FER1L6: variants seen among roughly 807,000 people sequenced by gnomAD.
FER1L6 encodes the protein fer-1 like family member 6, also known as fer-1-like protein 6.
In FER1L6, 177 loss-of-function variants were observed where a neutral mutation model predicts 219.2. The ratio of observed to expected loss-of-function variants is 0.81; its 90% CI spans 0.71 to 0.91. FER1L6 has a LOEUF of 0.91. Among genes scored for constraint, FER1L6 ranks in the 40% least tolerant of loss-of-function variants. The pLI is 0.00. For missense variants in FER1L6, 2,153 were observed against 2,259.9 expected, an observed-to-expected ratio of 0.95 and a Z score of 0.96; for synonymous variants, 768 against 824.3, an observed-to-expected ratio of 0.93 and a Z score of 1.17.
At chr8:124,053,740 G>T in intron 22 of FER1L6, among the ~76,000 whole-genome samples, 1 of 152,094 alleles carries the variant, frequency 6.6e-6, no homozygotes, top group South Asian at 2.1e-4. Context: ...TGCTCATGGT[G>T]CCAGCTACTC....
rs1291329809 is a variant in FER1L6, at chr8:124,020,228, C to G, written c.2014-1322C>G. ...CTTCCCCATGATTCTCCCCATGAGT[C>G]CTCCCCAGCCATGTAGAACTGTGAG... On this transcript the variant is annotated intron_variant, in intron 16 of 40. Transcript: ENST00000522917. 3.9e-5 allele frequency among the ~76,000 whole-genome samples: 6 copies of G among 152,050 alleles called. No individual in the cohort carries two copies. The East Asian group carries it at 1.2e-3, about 29-fold the overall frequency.
At chr8:123,895,490 T>C (rs1004222146) in intron 1 of FER1L6, among the ~76,000 whole-genome samples, 1 of 152,168 alleles carries the variant, frequency 6.6e-6, no homozygotes, top group African/African-American at 2.4e-5. Context: ...GAACTGTTGG[T>C]TTACAAATGA....
In FER1L6 at chr8:123,986,157, C is replaced by A; in HGVS notation, c.1500C>A (p.Ile500=). Residue 500 remains isoleucine, a synonymous_variant, in exon 12 of 41, where the codon ATC becomes ATA. Transcript: ENST00000522917. ...MIDRKIGDKP[I]SFEVSIGNFG... ...ACCGGAAGATTGGAGATAAACCCAT[C>A]AGCTTTGAAGTTTCTATTGGTAAGT... 1 of 1,609,682 alleles carries A rather than the reference C, an allele frequency of 6.2e-7. No homozygotes were observed. The highest frequency in any genetic ancestry group is 8.5e-7 in the Non-Finnish European group (1 of 1,176,040).
chr8:124,072,095 C>T (rs956563119), intron 31 of FER1L6, among the ~76,000 whole-genome samples: 4 of 151,952 alleles, frequency 2.6e-5, no homozygotes, highest in African/African-American at 2.4e-5. Context: ...AGGACTGTTC[C>T]GTCTGTGTAG....
At chr8:123,976,632 G>T (rs891171757) in intron 9 of FER1L6, among the ~76,000 whole-genome samples, 6 of 152,164 alleles carry the variant, frequency 3.9e-5, no homozygotes, top group Non-Finnish European at 7.3e-5. Flanking sequence ...GATACAGGCA[G>T]ACAGGCATCC....
At chr8:124,004,505 A>G (rs1817571076) in intron 13 of FER1L6, among the ~76,000 whole-genome samples, 2 of 151,818 alleles carry the variant, frequency 1.3e-5, no homozygotes, top group Admixed American at 1.3e-4. Flanking sequence ...AACCATGACT[A>G]CTCTCAGGAT....
At chr8:124,080,814 G>A (rs1005967064) in intron 32 of FER1L6, among the ~76,000 whole-genome samples, 1 of 152,134 alleles carries the variant, frequency 6.6e-6, no homozygotes, top group African/African-American at 2.4e-5. Context: ...GCTTCCTTGT[G>A]ATGCACCTGC....
intron 38 of FER1L6, among the ~76,000 whole-genome samples, chr8:124,102,658 A>G (rs1261598785): frequency 6.6e-6 from 1 of 152,198 alleles, no homozygotes; most frequent in Non-Finnish European, 1.5e-5. Context: ...AGTGTTGGGA[A>G]CCCACTAAGG....
At chr8:123,926,519 T>TG (rs1813570136) in intron 1 of FER1L6, among the ~76,000 whole-genome samples, 1 of 151,926 alleles carries the variant, frequency 6.6e-6, no homozygotes, top group Non-Finnish European at 1.5e-5. Flanking sequence ...CAGGTTATGG[T>TG]GGGGGAGGCA....
chr8:123,965,703 A>T (rs1815505518), intron 3 of FER1L6, among the ~76,000 whole-genome samples: 2 of 152,224 alleles, frequency 1.3e-5, no homozygotes. Flanking sequence ...ATTTTAAAAA[A>T]TACTGATAAT....
intron 21 of FER1L6, 152 bp downstream of exon 21, chr8:124,046,053 T>C (rs1446925854): frequency 2.6e-6 from 2 of 766,674 alleles, no homozygotes; most frequent in African/African-American, 3.5e-5. Context: ...CTGAAAACAG[T>C]TCACAGAACC....
At chr8:124,092,708 G>T (rs995814683) in intron 34 of FER1L6, among the ~76,000 whole-genome samples, 2 of 152,164 alleles carry the variant, frequency 1.3e-5, no homozygotes, top group Non-Finnish European at 2.9e-5. Flanking sequence ...AGTTCTGCAG[G>T]CTCTATAGGA....
intron 1 of FER1L6, among the ~76,000 whole-genome samples, chr8:123,870,479 G>A (rs1816907039): frequency 6.6e-6 from 1 of 152,138 alleles, no homozygotes; most frequent in Non-Finnish European, 1.5e-5. Flanking sequence ...AAAAAAGAAG[G>A]AGCTATTAAA....
rs10561745 is a variant in FER1L6, at chr8:124,106,944, C to CTT, written c.5289+3656_5289+3657dup. On this transcript the variant is annotated intron_variant, in intron 39 of 40. Coordinates refer to ENST00000522917, the MANE Select transcript of FER1L6 (RefSeq NM_001039112.2). ...CTAGTATAAGAGATTATAAGGTTTT[C>CTT]TTTTTTTTTTTTTTTTTTTTTTGAG... is the stretch of plus-strand genomic sequence containing the variant. Among the ~76,000 whole-genome samples, 250 of 127,736 alleles carry CTT rather than the reference C, an allele frequency of 2.0e-3. 3 individuals are homozygous for CTT. Among genetic ancestry groups the CTT allele is most frequent in the East Asian group, 0.014 (61 of 4,490 alleles). The allele number at this position is 127,736 out of a possible 152,430, so 83.8% of individuals were successfully genotyped here.
rs559561044 is a variant in FER1L6 at position 124,099,893 on chromosome 8, G to A, written c.4884-1204G>A. Among the ~76,000 whole-genome samples, 13 of 152,194 alleles carry A rather than the reference G, an allele frequency of 8.5e-5. No individual in the cohort carries two copies. The East Asian group carries it at 2.5e-3, about 29-fold the overall frequency. ...TTATTTCTTCTTCCACGGGGCCTTT[G>A]CACATCTCTCTCTAGTGACTTCTGC... On this transcript the variant is annotated intron_variant, in intron 37 of 40. Transcript: ENST00000522917.
intron 33 of FER1L6, among the ~76,000 whole-genome samples, chr8:124,083,049 TG>T (rs1185607435): frequency 6.6e-6 from 1 of 151,966 alleles, no homozygotes; most frequent in Admixed American, 6.6e-5. Context: ...TACATATATA[TG>T]GGGTATATGA....
rs77427996 is a variant in FER1L6, at chr8:123,916,288, G to C, written c.-7-39704G>C. Among the ~76,000 whole-genome samples the C allele has an allele frequency of 7.7e-3, 1,175 of 152,296 alleles. 17 individuals are homozygous for C. Among genetic ancestry groups the C allele is most frequent in the African/African-American group, 0.027 (1,119 of 41,556 alleles). On this transcript the variant is annotated intron_variant, in intron 1 of 40. Coordinates refer to ENST00000522917, the MANE Select transcript of FER1L6 (RefSeq NM_001039112.2). ...AATTGAGATCAGGGTCAGTCTTACT[G>C]TCTTCCAGATTCTTGGATGGCACCT...
At chr8:123,900,831 T>C (rs62518686) in intron 1 of FER1L6, among the ~76,000 whole-genome samples, 3,609 of 152,302 alleles carry the variant, frequency 0.024, 60 homozygotes, top group Non-Finnish European at 0.035. Flanking sequence ...TTAAACCATC[T>C]CTGCATCCCT....
chr8:124,112,903 G>A (rs1326330585), intron 39 of FER1L6, among the ~76,000 whole-genome samples: 1 of 152,032 alleles, frequency 6.6e-6, no homozygotes, highest in Non-Finnish European at 1.5e-5. Flanking sequence ...TGAATGTATA[G>A]GAAATTTGAA....
Sources: gnomAD v4.1 joint callset for allele counts (sites outside exome capture counted in the v4.1 genomes callset) on GRCh38, gnomAD v4.1.1 for gene constraint, MANE v1.5 for transcripts, NCBI Gene and HGNC (gene_info 2026-07-23, HGNC 2026-07-21) for gene names.